Variants in TMEM86B observed in about 807,000 individuals in gnomAD.
The protein encoded by TMEM86B is lysoplasmalogenase TMEM86B.
A neutral mutation model predicts 12.3 loss-of-function variants in TMEM86B; 15 were observed. That is an observed-to-expected ratio of 1.22 (90% confidence interval 0.81 to 1.87). TMEM86B has a LOEUF of 1.87. Among genes scored for constraint, TMEM86B ranks in the 40% most tolerant of loss-of-function variants. The pLI is 0.00. For missense variants in TMEM86B, 328 were observed against 297.4 expected (o/e 1.10, Z -0.76); for synonymous variants, 173 against 140.3 (o/e 1.23, Z -1.65).
At position 55,228,388 on chromosome 19, in the gene TMEM86B, A is replaced by T. The variant is rs768488711; in HGVS notation, c.101T>A (p.Val34Glu). 3.0e-5 allele frequency: 49 copies of T among 1,613,668 alleles called. No individual in the cohort carries two copies. In the East Asian group the frequency reaches 1.1e-3, roughly 36 times the overall value. Residue 34 changes from valine to glutamate, a missense_variant, in exon 2 of 3, where the codon GTG becomes GAG. Transcript: ENST00000327042. ...WLSPFILSCC[V>E]YFCLWIPEDQ... ...CTCGGGAATCCAGAGGCAGAAGTAC[A>T]CGCAGCAGGAGAGGATGAAGGGGCT... is the stretch of plus-strand genomic sequence containing the variant.
chr19:55,228,010 C>G, intron 2 of TMEM86B, 181 bp downstream of exon 2: 1 of 1,104,120 alleles, frequency 9.1e-7, no homozygotes, highest in Non-Finnish European at 1.3e-6. Flanking sequence ...AGCTACTGCC[C>G]TAACACCGCC....
chr19:55,227,408 C>T lies in TMEM86B; in HGVS notation c.454G>A (p.Ala152Thr), dbSNP rs775443227. ...HLEPDMVLPV[A>T]AYGLILMAML... ...GCCATCAGGATCAGCCCATAGGCTG[C>T]CACCGGCAGGACCATATCCGGCTCG... The change falls in exon 3 of 3, where the codon GCA (alanine) becomes ACA (threonine). Residue 152 changes from alanine to threonine, a missense_variant. Transcript: ENST00000327042. 6.9e-6 allele frequency: 11 copies of T among 1,583,198 alleles called. No individual in the cohort carries two copies. The highest frequency in any genetic ancestry group is 3.3e-4 in the Middle Eastern group (2 of 6,014).
Position 55,227,440 on chromosome 19 carries a change from T to C in TMEM86B, c.422A>G (p.Gln141Arg). ...APGPYLSLVL[Q>R]HLEPDMVLPV... ...CAGGACCATATCCGGCTCGAGGTGC[T>C]GGAGCACAAGGCTGAGGTAGGGGCC... The change falls in exon 3 of 3, where the codon CAG becomes CGG. Residue 141 changes from glutamine to arginine, a missense_variant. Transcript: ENST00000327042. The C allele has an allele frequency of 1.9e-6, 3 of 1,564,370 alleles. No individual in the cohort carries two copies. Among genetic ancestry groups the C allele is most frequent in the South Asian group, 1.2e-5 (1 of 85,412 alleles).
chr19:55,228,398 AGAG>A lies in TMEM86B; in HGVS notation c.88_90del (p.Leu30del), dbSNP rs761396605. 5.0e-6 allele frequency: 8 copies of A among 1,613,434 alleles called. No homozygotes were observed. The highest frequency in any genetic ancestry group is 5.9e-6 in the Non-Finnish European group (7 of 1,180,014). ...CAGAGGCAGAAGTACACGCAGCAGG[AGAG>A]GATGAAGGGGCTCAGCCACCTGCAG... On this transcript the variant is annotated inframe_deletion, in exon 2 of 3. Transcript: ENST00000327042.
At position 55,228,307 on chromosome 19, in the gene TMEM86B, G is replaced by A. The variant is rs773692100; in HGVS notation, c.182C>T (p.Ala61Val). Residue 61 changes from alanine (A) to valine (V), a missense_variant, in exon 2 of 3, where the codon GCT becomes GTT. By Grantham distance (64) the Ala-to-Val change is moderately conservative. Coordinates refer to ENST00000327042, the MANE Select transcript of TMEM86B (RefSeq NM_173804.5). ...TGGGGACATGACCCACAGGAACCCA[G>A]CCAGGCAGAGGACGGGCAGGCACTT... ...LVKCLPVLCL[A>V]GFLWVMSPSG... 6.2e-7 allele frequency: 1 copy of A among 1,613,648 alleles called. No individual in the cohort carries two copies. Among genetic ancestry groups the A allele is most frequent in the African/African-American group, 1.3e-5 (1 of 74,936 alleles).
Position 55,227,504 on chromosome 19 carries a change from G to A in TMEM86B, c.358C>T (p.Leu120=), listed in dbSNP as rs953749858. ...LYVWAFGFSP[L]QPGLLLLIIL... ...ATGAGCAGCAGCAGGCCGGGCTGCA[G>A]GGGAGAGAAGCCGAAGGCCCAGACG... is the stretch of plus-strand genomic sequence containing the variant. The change falls in exon 3 of 3, where the codon CTG becomes TTG. Residue 120 remains leucine (L), a synonymous_variant. Coordinates refer to ENST00000327042, the MANE Select transcript of TMEM86B (RefSeq NM_173804.5). The A allele has an allele frequency of 2.6e-6, 4 of 1,550,574 alleles. No individual in the cohort carries two copies. In the South Asian group the frequency reaches 3.6e-5, roughly 14 times the overall value.
At position 55,227,503 on chromosome 19, in the gene TMEM86B, A is replaced by C; in HGVS notation, c.359T>G (p.Leu120Arg). 1 of 1,550,380 alleles carries C rather than the reference A, an allele frequency of 6.5e-7. No individual in the cohort carries two copies. Among genetic ancestry groups the C allele is most frequent in the Non-Finnish European group, 8.7e-7 (1 of 1,146,492 alleles). The change falls in exon 3 of 3, where the codon CTG becomes CGG. Residue 120 changes from leucine (L) to arginine (R), a missense_variant. By Grantham distance (102) the Leu-to-Arg change is moderately radical. Coordinates refer to ENST00000327042, the MANE Select transcript of TMEM86B (RefSeq NM_173804.5). ...GATGAGCAGCAGCAGGCCGGGCTGC[A>C]GGGGAGAGAAGCCGAAGGCCCAGAC... Reference protein sequence around the residue: ...LYVWAFGFSPLQPGLLLLIIL... With the variant: ...LYVWAFGFSPRQPGLLLLIIL...
Position 55,226,970 on chromosome 19 carries a change from C to G in TMEM86B, c.*211G>C. On this transcript the variant is annotated 3_prime_UTR_variant, in exon 3 of 3. Coordinates refer to ENST00000327042, the MANE Select transcript of TMEM86B (RefSeq NM_173804.5). ...GGAGCCAGGGATCTGGAGTCAGAACCGGGGGAAGGCAGCTGGAACCCAGTA... is the reference window on the plus strand; with the variant it reads ...GGAGCCAGGGATCTGGAGTCAGAACGGGGGGAAGGCAGCTGGAACCCAGTA... 1 of 470,412 alleles carries G rather than the reference C, an allele frequency of 2.1e-6. No homozygotes were observed. Among genetic ancestry groups the G allele is most frequent in the Non-Finnish European group, 3.5e-6 (1 of 287,452 alleles). The allele number at this position is 470,412 out of a possible 1,614,324, so 29.1% of individuals were successfully genotyped here.
chr19:55,227,255 T>C lies in TMEM86B; in HGVS notation c.607A>G (p.Met203Val), dbSNP rs1910946089. The change falls in exon 3 of 3, where the codon ATG (methionine) becomes GTG (valine). Residue 203 changes from methionine to valine, a missense_variant. Transcript: ENST00000327042. Reference sequence around the variant, plus strand: ...AGCTGGGCAGCATAGTAGGTGGTCATGATCACCAGGTGGGCATGGGGCAGG... The same window carrying C: ...AGCTGGGCAGCATAGTAGGTGGTCACGATCACCAGGTGGGCATGGGGCAGG... ...QPLPHAHLVIMTTYYAAQLLI... is the reference protein window; with the variant it reads ...QPLPHAHLVIVTTYYAAQLLI... 6.2e-7 allele frequency: 1 copy of C among 1,602,052 alleles called. No homozygotes were observed. Among genetic ancestry groups the C allele is most frequent in the Non-Finnish European group, 8.5e-7 (1 of 1,173,014 alleles).
chr19:55,227,694 G>T (rs1218851450), intron 2 of TMEM86B, 131 bp from the exon 3 acceptor site: 16 of 1,211,324 alleles, frequency 1.3e-5, no homozygotes, highest in Non-Finnish European at 1.7e-5. Context: ...CTCCTTGCAG[G>T]TCTCCCCACA....
At chr19:55,228,469 C>G in intron 1 of TMEM86B, 32 bp from the exon 2 acceptor site, 3 of 1,604,694 alleles carry the variant, frequency 1.9e-6, no homozygotes, top group Non-Finnish European at 2.5e-6. Flanking sequence ...TGAGCCGAAA[C>G]CCAGCCCAGC....
At chr19:55,227,597 G>C in intron 2 of TMEM86B, 34 bp from the exon 3 acceptor site, 1 of 1,488,176 alleles carries the variant, frequency 6.7e-7, no homozygotes, top group Non-Finnish European at 9.0e-7. Flanking sequence ...CAGTGAGGAA[G>C]GCCCATCCTG....
At position 55,227,670 on chromosome 19, in the gene TMEM86B, C is replaced by T. The variant is rs1568940260; in HGVS notation, c.299-107G>A. 4.3e-6 allele frequency: 6 copies of T among 1,379,674 alleles called. No individual in the cohort carries two copies. The East Asian group carries it at 1.0e-4, about 23-fold the overall frequency. 85.5% of individuals were successfully genotyped at this position (1,379,674 alleles called of 1,614,324 possible). On this transcript the variant is annotated intron_variant, in intron 2 of 2. Coordinates refer to ENST00000327042, the MANE Select transcript of TMEM86B (RefSeq NM_173804.5). ...AGGACCATCCCAGAGCACCAGGCCC[C>T]ACCCTGGCCGAGCCTCCTTGCAGGT...
chr19:55,227,160 C>G lies in TMEM86B; in HGVS notation c.*21G>C. 6.8e-7 allele frequency: 1 copy of G among 1,460,220 alleles called. No homozygotes were observed. Among genetic ancestry groups the G allele is most frequent in the Non-Finnish European group, 9.1e-7 (1 of 1,100,428 alleles). 90.5% of individuals were successfully genotyped at this position (1,460,220 alleles called of 1,614,324 possible). ...CTTGCAGGAGGAGAGGGCCTGAACA[C>G]CGGCCCTTCAAGCTCCCTAGTCAGT... On this transcript the variant is annotated 3_prime_UTR_variant, in exon 3 of 3. Coordinates refer to ENST00000327042, the MANE Select transcript of TMEM86B (RefSeq NM_173804.5).
At chr19:55,227,701 C>G (rs1444194070) in intron 2 of TMEM86B, 138 bp from the exon 3 acceptor site, 1 of 1,137,962 alleles carries the variant, frequency 8.8e-7, no homozygotes, top group South Asian at 1.7e-5. Context: ...CAGGTCTCCC[C>G]ACATGCAGTG....
At position 55,228,322 on chromosome 19, in the gene TMEM86B, G is replaced by T. The variant is rs369160495; in HGVS notation, c.167C>A (p.Pro56His). 2.5e-6 allele frequency: 4 copies of T among 1,613,712 alleles called. No homozygotes were observed. In the African/African-American group the frequency reaches 5.3e-5, roughly 22 times the overall value. ...SWFAALVKCL[P>H]VLCLAGFLWV... Reference sequence around the variant, plus strand: ...CAGGAACCCAGCCAGGCAGAGGACGGGCAGGCACTTGACCAGGGCAGCGAA... The same window carrying T: ...CAGGAACCCAGCCAGGCAGAGGACGTGCAGGCACTTGACCAGGGCAGCGAA... The change falls in exon 2 of 3, where the codon CCC becomes CAC. Residue 56 changes from proline to histidine, a missense_variant. Transcript: ENST00000327042.
chr19:55,226,866 G>C lies in TMEM86B; in HGVS notation c.*315C>G, dbSNP rs552092279. On this transcript the variant is annotated 3_prime_UTR_variant, in exon 3 of 3. Coordinates refer to ENST00000327042, the MANE Select transcript of TMEM86B (RefSeq NM_173804.5). ...GAAAACGGATTCAGAGCAGCAGCAG[G>C]GGGCGGGCAGGCTGTGGGGCCGACA... 1.6e-4 allele frequency: 48 copies of C among 307,600 alleles called. No individual in the cohort carries two copies. In the East Asian group the frequency reaches 1.6e-3, roughly 10 times the overall value. The allele number at this position is 307,600 out of a possible 1,614,324, so 19.1% of individuals were successfully genotyped here.
At position 55,227,427 on chromosome 19, in the gene TMEM86B, C is replaced by T. The variant is rs750589856; in HGVS notation, c.435G>A (p.Pro145=). Residue 145 remains proline, a synonymous_variant, in exon 3 of 3, where the codon CCG becomes CCA. Transcript: ENST00000327042. The part of the protein sequence containing the change: ...YLSLVLQHLE[P]DMVLPVAAYG... ...AGGCTGCCACCGGCAGGACCATATC[C>T]GGCTCGAGGTGCTGGAGCACAAGGC... The T allele has an allele frequency of 1.7e-5, 26 of 1,570,932 alleles. No individual in the cohort carries two copies. The highest frequency in any genetic ancestry group is 5.7e-5 in the Admixed American group (3 of 52,802).
In TMEM86B at chr19:55,227,079, G is replaced by A; in HGVS notation, c.*102C>T. The A allele has an allele frequency of 7.8e-7, 1 of 1,289,872 alleles. No homozygotes were observed. Among genetic ancestry groups the A allele is most frequent in the Non-Finnish European group, 1.0e-6 (1 of 998,870 alleles). The allele number at this position is 1,289,872 out of a possible 1,614,324, so 79.9% of individuals were successfully genotyped here. The stretch of plus-strand genomic sequence containing the variant: ...AGCGGCGCCTGCAGACAGGCGTCAG[G>A]AAGCTTCGCTGCTGAGGGTATTTCT... On this transcript the variant is annotated 3_prime_UTR_variant, in exon 3 of 3. Transcript: ENST00000327042.
Sources: gnomAD v4.1 joint callset for allele counts on GRCh38, gnomAD v4.1.1 for gene constraint, MANE v1.5 for transcripts, NCBI Gene and HGNC (gene_info 2026-07-23, HGNC 2026-07-21) for gene names.